RPS6KC1: variants seen among roughly 807,000 people sequenced by gnomAD.
RPS6KC1 encodes the protein inactive ribosomal protein S6 kinase delta-1.
In RPS6KC1, 54 loss-of-function variants were observed where a neutral mutation model predicts 103.8. The ratio of observed to expected loss-of-function variants is 0.52; its 90% CI spans 0.42 to 0.65. The LOEUF (loss-of-function observed/expected upper bound fraction) is 0.65. RPS6KC1 is among the 30% of genes least tolerant of loss of function. RPS6KC1 has a pLI of 0.00. For missense variants in RPS6KC1, 1,151 were observed against 1,253.8 expected, an observed-to-expected ratio of 0.92 and a Z score of 1.24; for synonymous variants, 439 against 438.7, an observed-to-expected ratio of 1.00 and a Z score of -0.01.
At chr1:213,363,699 T>C in the RPS6KC1 span, among the ~76,000 whole-genome samples, 57 of 96,450 alleles carry the variant, frequency 5.9e-4, 2 homozygotes, top group Middle Eastern at 0.01. Context: ...TCTTTCTTTC[T>C]TTCCTTCTTT....
chr1:213,593,195 T>TC, the RPS6KC1 span, among the ~76,000 whole-genome samples: 34 of 151,110 alleles, frequency 2.3e-4, no homozygotes, highest in Non-Finnish European at 2.9e-4. Flanking sequence ...CAGGGCCCAC[T>TC]CAGGAGAGCT....
At chr1:213,811,510 C>T in the RPS6KC1 span, among the ~76,000 whole-genome samples, 8 of 152,162 alleles carry the variant, frequency 5.3e-5, no homozygotes, top group African/African-American at 1.9e-4. Flanking sequence ...TGGCAAAGAT[C>T]TTAGAAACCA....
At chr1:213,626,205 T>A in the RPS6KC1 span, among the ~76,000 whole-genome samples, 118 of 152,352 alleles carry the variant, frequency 7.7e-4, no homozygotes, top group African/African-American at 2.8e-3. Context: ...TTTTCATGTG[T>A]CTTTTGGCCT....
the RPS6KC1 span, among the ~76,000 whole-genome samples, chr1:213,320,162 T>C: frequency 6.6e-6 from 1 of 152,172 alleles, no homozygotes; most frequent in Non-Finnish European, 1.5e-5. Flanking sequence ...GTTGAAGAAC[T>C]TGGAAAAGCA....
chr1:213,738,323 A>G, the RPS6KC1 span, among the ~76,000 whole-genome samples: 2 of 152,202 alleles, frequency 1.3e-5, no homozygotes. Flanking sequence ...ATTAAAGAAA[A>G]TAACATGTAT....
chr1:213,328,248 C>T, the RPS6KC1 span, among the ~76,000 whole-genome samples: 21 of 152,050 alleles, frequency 1.4e-4, no homozygotes, highest in African/African-American at 5.1e-4. Context: ...GGTCCTGTCA[C>T]ATTAACGGTG....
chr1:213,378,763 C>A, the RPS6KC1 span, among the ~76,000 whole-genome samples: 5 of 152,158 alleles, frequency 3.3e-5, no homozygotes, highest in Non-Finnish European at 7.4e-5. Context: ...TCCTGCCAAG[C>A]AAGAGCAGTA....
chr1:213,782,980 ACT>A, the RPS6KC1 span, among the ~76,000 whole-genome samples: 1 of 152,098 alleles, frequency 6.6e-6, no homozygotes, highest in Non-Finnish European at 1.5e-5. Flanking sequence ...GCTTGCTGTA[ACT>A]CACCATTTCG....
chr1:213,219,896 T>C (rs2093782518), intron 8 of RPS6KC1, among the ~76,000 whole-genome samples: 4 of 151,556 alleles, frequency 2.6e-5, no homozygotes, highest in Admixed American at 2.0e-4. Flanking sequence ...TTAGGAGATA[T>C]ACCTAATGTT....
At chr1:213,719,237 T>C in the RPS6KC1 span, among the ~76,000 whole-genome samples, 8 of 152,354 alleles carry the variant, frequency 5.3e-5, no homozygotes, top group African/African-American at 1.4e-4. Context: ...TGATTTCTTA[T>C]ATTATTCAAT....
the RPS6KC1 span, among the ~76,000 whole-genome samples, chr1:213,363,712 T>C: frequency 1.7e-3 from 199 of 116,376 alleles, 23 homozygotes; most frequent in African/African-American, 4.8e-3. Flanking sequence ...CCTTCTTTCT[T>C]TCTTTCTTTC....
chr1:213,090,801 A>G (rs1418584704), intron 3 of RPS6KC1, among the ~76,000 whole-genome samples: 1 of 152,220 alleles, frequency 6.6e-6, no homozygotes, highest in Admixed American at 6.5e-5. Flanking sequence ...TAGAAATTGT[A>G]TTAAATAAAA....
At chr1:213,803,782 C>G in the RPS6KC1 span, among the ~76,000 whole-genome samples, 1 of 152,132 alleles carries the variant, frequency 6.6e-6, no homozygotes, top group Non-Finnish European at 1.5e-5. Context: ...ACAATGAGTT[C>G]TGTGATTGAA....
the RPS6KC1 span, among the ~76,000 whole-genome samples, chr1:213,566,405 C>T: frequency 2.6e-5 from 2 of 77,758 alleles, no homozygotes; most frequent in African/African-American, 4.3e-5. Context: ...AAAGTTACTT[C>T]TTTTTCAATT....
chr1:213,229,963 G>A (rs1240154178), intron 8 of RPS6KC1, among the ~76,000 whole-genome samples: 1 of 152,188 alleles, frequency 6.6e-6, no homozygotes, highest in Non-Finnish European at 1.5e-5. Context: ...GGTAAGGTGA[G>A]TTCAGATTCT....
the RPS6KC1 span, among the ~76,000 whole-genome samples, chr1:213,792,275 G>A: frequency 3.3e-5 from 5 of 152,178 alleles, no homozygotes; most frequent in East Asian, 1.9e-4. Flanking sequence ...GGAAGAGTGC[G>A]ATTTAGAAGC....
At chr1:213,389,470 G>A in the RPS6KC1 span, among the ~76,000 whole-genome samples, 10 of 152,328 alleles carry the variant, frequency 6.6e-5, no homozygotes, top group East Asian at 1.9e-4. Context: ...ATTTATCAGC[G>A]CAGCCATGCC....
At chr1:213,467,162 G>T in the RPS6KC1 span, among the ~76,000 whole-genome samples, 4 of 152,190 alleles carry the variant, frequency 2.6e-5, no homozygotes, top group African/African-American at 9.7e-5. Context: ...AAAGAAGGAA[G>T]TGGAGATACT....
chr1:213,800,473 G>A, the RPS6KC1 span, among the ~76,000 whole-genome samples: 2 of 152,102 alleles, frequency 1.3e-5, no homozygotes, highest in African/African-American at 4.8e-5. Flanking sequence ...GACATTCATG[G>A]TCAGGAATAT....
Sources: allele counts gnomAD v4.1 joint callset (sites outside exome capture counted in the v4.1 genomes callset), GRCh38; gene constraint gnomAD v4.1.1; transcripts MANE v1.5; gene names NCBI Gene and HGNC (gene_info 2026-07-23, HGNC 2026-07-21).